CPA6: variants seen among roughly 807,000 people sequenced by gnomAD.
CPA6 encodes the protein carboxypeptidase B.
Under a neutral mutation model 63.3 loss-of-function variants are expected in CPA6, and 58 were observed. The ratio of observed to expected loss-of-function variants is 0.92; its 90% CI spans 0.74 to 1.14. The LOEUF is 1.14. Ranked by LOEUF, CPA6 falls within the 50% of genes most tolerant of loss-of-function variation. CPA6 has a pLI of 0.00. For synonymous variants in CPA6, 185 were observed against 179.0 expected (o/e 1.03, Z -0.27); for missense variants, 565 against 526.6 (o/e 1.07, Z -0.71).
intron 1 of CPA6, among the ~76,000 whole-genome samples, chr8:67,679,538 A>T (rs951869346): frequency 2.6e-5 from 4 of 152,228 alleles, no homozygotes; most frequent in African/African-American, 9.6e-5. Flanking sequence ...TTACTACTCA[A>T]ATATCATCAA....
intron 10 of CPA6, among the ~76,000 whole-genome samples, chr8:67,424,421 G>A (rs745458209): frequency 6.6e-6 from 1 of 152,060 alleles, no homozygotes; most frequent in Non-Finnish European, 1.5e-5. Flanking sequence ...TGACATTAGA[G>A]CCCTCTGACT....
At chr8:67,428,772 C>T (rs947737038) in intron 9 of CPA6, among the ~76,000 whole-genome samples, 2 of 152,164 alleles carry the variant, frequency 1.3e-5, no homozygotes, top group South Asian at 2.1e-4. Flanking sequence ...CATGAGTCAC[C>T]GCACCCGGCC....
At chr8:67,677,012 A>G (rs117111609) in intron 1 of CPA6, among the ~76,000 whole-genome samples, 1 of 152,158 alleles carries the variant, frequency 6.6e-6, no homozygotes, top group African/African-American at 2.4e-5. Context: ...GTGTGTATGC[A>G]TGCTAGCAGG....
chr8:67,423,354 G>A (rs1809811095), intron 10 of CPA6, among the ~76,000 whole-genome samples: 3 of 152,226 alleles, frequency 2.0e-5, no homozygotes, highest in Non-Finnish European at 2.9e-5. Flanking sequence ...CAAAGTGCTG[G>A]GATTACAGGC....
At chr8:67,584,008 A>G (rs1389614815) in intron 2 of CPA6, among the ~76,000 whole-genome samples, 2 of 151,882 alleles carry the variant, frequency 1.3e-5, no homozygotes, top group Non-Finnish European at 2.9e-5. Context: ...ATACAAAAAA[A>G]CTTTCTGGGC....
chr8:67,546,094 A>C (rs1812813528), intron 2 of CPA6, among the ~76,000 whole-genome samples: 1 of 151,576 alleles, frequency 6.6e-6, no homozygotes, highest in Non-Finnish European at 1.5e-5. Context: ...TATCCCTCCC[A>C]CCCCAAAACA....
chr8:67,623,952 G>A (rs191131989), intron 2 of CPA6, among the ~76,000 whole-genome samples: 11 of 152,042 alleles, frequency 7.2e-5, no homozygotes, highest in Admixed American at 6.5e-4. Context: ...AGCCGAGATC[G>A]CACCACTGCA....
chr8:67,593,351 T>C (rs1814191670), intron 2 of CPA6, among the ~76,000 whole-genome samples: 2 of 151,764 alleles, frequency 1.3e-5, no homozygotes, highest in African/African-American at 4.8e-5. Flanking sequence ...CTGAAAAAAA[T>C]GTATATTCTG....
chr8:67,516,472 C>T (rs577859457), intron 3 of CPA6, among the ~76,000 whole-genome samples: 12 of 152,184 alleles, frequency 7.9e-5, no homozygotes, highest in Non-Finnish European at 1.6e-4. Flanking sequence ...ACAAACAAAT[C>T]CCAAATCTAC....
intron 1 of CPA6, among the ~76,000 whole-genome samples, chr8:67,719,743 C>A (rs151297861): frequency 2.6e-5 from 4 of 151,646 alleles, no homozygotes; most frequent in Non-Finnish European, 5.9e-5. Flanking sequence ...GTGACAGGAG[C>A]GACAAGACTT....
chr8:67,640,430 A>G (rs928654291), intron 1 of CPA6, among the ~76,000 whole-genome samples: 1 of 151,240 alleles, frequency 6.6e-6, no homozygotes, highest in Non-Finnish European at 1.5e-5. Context: ...GTGTGCACAC[A>G]TCTGTCTGGG....
chr8:67,575,032 TATAG>T (rs1363151625), intron 2 of CPA6, among the ~76,000 whole-genome samples: 1 of 152,026 alleles, frequency 6.6e-6, no homozygotes, highest in African/African-American at 2.4e-5. Flanking sequence ...ACCTCAACTA[TATAG>T]AAAGAAAACA....
chr8:67,698,183 T>C (rs1816947162), intron 1 of CPA6, among the ~76,000 whole-genome samples: 1 of 152,226 alleles, frequency 6.6e-6, no homozygotes, highest in Non-Finnish European at 1.5e-5. Context: ...TAGATAGTAA[T>C]GAAGAGCCTT....
At chr8:67,456,296 G>A (rs185279588) in intron 8 of CPA6, among the ~76,000 whole-genome samples, 1 of 152,226 alleles carries the variant, frequency 6.6e-6, no homozygotes, top group African/African-American at 2.4e-5. Context: ...CCTGCTCAAG[G>A]TCTCCCAAAT....
chr8:67,497,515 G>A (rs1261907504), intron 6 of CPA6, among the ~76,000 whole-genome samples: 1 of 152,068 alleles, frequency 6.6e-6, no homozygotes, highest in East Asian at 1.9e-4. Flanking sequence ...CCACTTTTTG[G>A]CTATGATGAA....
At chr8:67,711,720 C>CACACAT (rs764510531) in intron 1 of CPA6, among the ~76,000 whole-genome samples, 5,100 of 151,138 alleles carry the variant, frequency 0.034, 104 homozygotes, top group Non-Finnish European at 0.044. Context: ...CACACACACA[C>CACACAT]ACATCTGAAA....
chr8:67,467,873 G>A (rs1490087933), intron 8 of CPA6, among the ~76,000 whole-genome samples: 1 of 142,046 alleles, frequency 7.0e-6, no homozygotes, highest in African/African-American at 2.8e-5. Context: ...GGCGACAAGA[G>A]CGAAACCCCG....
chr8:67,663,951 C>T (rs189423323), intron 1 of CPA6, among the ~76,000 whole-genome samples: 1 of 152,238 alleles, frequency 6.6e-6, no homozygotes, highest in Non-Finnish European at 1.5e-5. Flanking sequence ...GAAACCCCTT[C>T]CAAGATAGTG....
At chr8:67,427,347 G>A (rs576056523) in intron 10 of CPA6, among the ~76,000 whole-genome samples, 1 of 152,222 alleles carries the variant, frequency 6.6e-6, no homozygotes, top group East Asian at 1.9e-4. Context: ...TGTCCAAAAA[G>A]TATAAAATCA....
Sources: allele counts gnomAD v4.1 joint callset (sites outside exome capture counted in the v4.1 genomes callset), GRCh38; gene constraint gnomAD v4.1.1; transcripts MANE v1.5; gene names NCBI Gene and HGNC (gene_info 2026-07-23, HGNC 2026-07-21).